The following CCSER2 variants were observed in gnomAD, a reference collection of about 807,000 sequenced individuals.
The protein encoded by CCSER2 is serine-rich coiled-coil domain-containing protein 2.
CCSER2 carries 46 observed loss-of-function variants against 92.3 expected under a neutral mutation model. That is an observed-to-expected ratio of 0.50 (90% CI 0.39 to 0.64). The LOEUF (loss-of-function observed/expected upper bound fraction) is 0.64. CCSER2 is among the 30% of genes least tolerant of loss of function. The pLI is 0.00. For missense variants in CCSER2, 1,244 were observed against 1,238.9 expected (o/e 1.00, Z -0.06); for synonymous variants, 433 against 431.4 (o/e 1.00, Z -0.04).
intron 1 of CCSER2, among the ~76,000 whole-genome samples, chr10:84,333,619 T>G (rs1371832934): frequency 6.6e-6 from 1 of 152,272 alleles, no homozygotes; most frequent in Non-Finnish European, 1.5e-5. Flanking sequence ...TTAGGGAGAT[T>G]GCTCATGTGA....
intron 1 of CCSER2, among the ~76,000 whole-genome samples, chr10:84,346,774 ATATT>A (rs71013316): frequency 2.7e-4 from 40 of 148,512 alleles, no homozygotes; most frequent in East Asian, 9.8e-4. Flanking sequence ...ATATATATAT[ATATT>A]TATTTATTTA....
intron 5 of CCSER2, among the ~76,000 whole-genome samples, chr10:84,434,201 G>A (rs559882861): frequency 6.6e-6 from 1 of 152,090 alleles, no homozygotes; most frequent in Non-Finnish European, 1.5e-5. Context: ...TTTAGTCTTA[G>A]AAAGTGATTT....
rs1298083429 is a variant in CCSER2, at chr10:84,328,971, C to T, written c.-40+163C>T. ...GGCCTCCAGGGTGAGCCTCTCTAGC[C>T]CCTCGCGAGCCGCCGGACGCGGGGC... On this transcript the variant is annotated intron_variant, in intron 1 of 9. Transcript: ENST00000372088. Among the ~76,000 whole-genome samples the T allele has an allele frequency of 5.9e-5, 9 of 151,834 alleles. No individual in the cohort carries two copies. In the East Asian group the frequency reaches 7.8e-4, roughly 13 times the overall value.
At chr10:84,505,958 A>G (rs577853566) in intron 9 of CCSER2, among the ~76,000 whole-genome samples, 11 of 152,226 alleles carry the variant, frequency 7.2e-5, no homozygotes, top group East Asian at 1.9e-4. Context: ...GATCACATCA[A>G]TGGAACTGTA....
intron 1 of CCSER2, among the ~76,000 whole-genome samples, chr10:84,359,784 T>C (rs533496026): frequency 1.3e-5 from 2 of 152,180 alleles, no homozygotes; most frequent in East Asian, 3.9e-4. Context: ...GATGAAAGCA[T>C]CCTTATTTGG....
chr10:84,337,758 G>A (rs1174884882), intron 1 of CCSER2, among the ~76,000 whole-genome samples: 1 of 152,144 alleles, frequency 6.6e-6, no homozygotes, highest in African/African-American at 2.4e-5. Context: ...TGCATGCCAG[G>A]GAGACAAGTC....
intron 1 of CCSER2, among the ~76,000 whole-genome samples, chr10:84,353,009 C>G (rs1844949292): frequency 6.6e-6 from 1 of 152,158 alleles, no homozygotes. Flanking sequence ...CCAGGCTGGT[C>G]TCGAACTCCT....
intron 5 of CCSER2, among the ~76,000 whole-genome samples, chr10:84,431,790 T>C (rs1450632390): frequency 6.6e-6 from 1 of 152,224 alleles, no homozygotes; most frequent in Non-Finnish European, 1.5e-5. Context: ...ACAGTTTGTT[T>C]ATTCATTTAC....
rs537990652 is a variant in CCSER2, at chr10:84,434,844, G to A, written c.1869-3668G>A. ...AGGGATTTGGTAACTTGCCCTGTGT[G>A]TTGTGTGGCTAGTAAGTGGCAGCTG... On this transcript the variant is annotated intron_variant, in intron 5 of 9. Coordinates refer to ENST00000372088, the MANE Select transcript of CCSER2 (RefSeq NM_001284240.2). 4.6e-5 allele frequency among the ~76,000 whole-genome samples: 7 copies of A among 152,252 alleles called. No homozygotes were observed. The South Asian group carries it at 1.2e-3, about 27-fold the overall frequency.
chr10:84,383,189 A>G (rs1841006909), intron 3 of CCSER2, among the ~76,000 whole-genome samples: 1 of 152,182 alleles, frequency 6.6e-6, no homozygotes, highest in South Asian at 2.1e-4. Flanking sequence ...CTTGGTTTTG[A>G]GTTTTAGAAT....
chr10:84,335,756 T>C (rs1843804195), intron 1 of CCSER2, among the ~76,000 whole-genome samples: 2 of 152,228 alleles, frequency 1.3e-5, no homozygotes, highest in Admixed American at 1.3e-4. Flanking sequence ...GCAGCCTGAG[T>C]GCTTTAGGGC....
chr10:84,483,385 C>T (rs1375291700), intron 9 of CCSER2, among the ~76,000 whole-genome samples: 2 of 147,276 alleles, frequency 1.4e-5, no homozygotes, highest in Admixed American at 1.4e-4. Context: ...AAGAATGAAA[C>T]TCTGTCTCAA....
At chr10:84,432,398 G>A (rs1372278794) in intron 5 of CCSER2, among the ~76,000 whole-genome samples, 1 of 152,118 alleles carries the variant, frequency 6.6e-6, no homozygotes, top group Admixed American at 6.5e-5. Context: ...TTCAGCCCTT[G>A]CTCCTCTTTC....
intron 3 of CCSER2, among the ~76,000 whole-genome samples, chr10:84,396,519 G>C (rs1841848569): frequency 6.6e-6 from 1 of 151,826 alleles, no homozygotes; most frequent in Admixed American, 6.6e-5. Flanking sequence ...AGGTTCATTT[G>C]TTGCTGTTTG....
chr10:84,360,484 G>C (rs1845437793), intron 1 of CCSER2, among the ~76,000 whole-genome samples: 2 of 152,198 alleles, frequency 1.3e-5, no homozygotes, highest in Admixed American at 1.3e-4. Context: ...AGTAGAAGCA[G>C]TTTGAGGCTT....
intron 9 of CCSER2, among the ~76,000 whole-genome samples, chr10:84,512,180 A>C (rs1849383415): frequency 6.6e-6 from 1 of 152,108 alleles, no homozygotes; most frequent in Admixed American, 6.6e-5. Flanking sequence ...GGAAGAACTG[A>C]AAAAAACACA....
chr10:84,440,501 G>GA (rs535889294), intron 6 of CCSER2, among the ~76,000 whole-genome samples: 4 of 152,008 alleles, frequency 2.6e-5, no homozygotes, highest in Non-Finnish European at 4.4e-5. Flanking sequence ...AAGGCTTAAT[G>GA]AAAAAAACAG....
At chr10:84,477,718 T>G (rs1369224668) in intron 9 of CCSER2, 54 bp downstream of exon 9, 1 of 970,056 alleles carries the variant, frequency 1.0e-6, no homozygotes, top group East Asian at 2.5e-5. Context: ...TTTTGATGTT[T>G]TATTTCACTC....
chr10:84,485,186 A>G (rs1424029053), intron 9 of CCSER2, among the ~76,000 whole-genome samples: 1 of 152,194 alleles, frequency 6.6e-6, no homozygotes, highest in African/African-American at 2.4e-5. Flanking sequence ...TTGTAGTACA[A>G]TATCAAAACC....
Sources: gnomAD v4.1 joint callset for allele counts (sites outside exome capture counted in the v4.1 genomes callset) on GRCh38, gnomAD v4.1.1 for gene constraint, MANE v1.5 for transcripts, NCBI Gene and HGNC (gene_info 2026-07-23, HGNC 2026-07-21) for gene names.